The following PLEKHM3 variants were observed in gnomAD, a reference collection of about 807,000 sequenced individuals.
The protein encoded by PLEKHM3 is pleckstrin homology domain containing M3.
Under a neutral mutation model 81.8 loss-of-function variants are expected in PLEKHM3, and 45 were observed. The ratio of observed to expected loss-of-function variants is 0.55; its 90% CI spans 0.43 to 0.71. The LOEUF (loss-of-function observed/expected upper bound fraction) is 0.71. Among genes scored for constraint, PLEKHM3 ranks in the 30% least tolerant of loss-of-function variants. The pLI is 0.00. For synonymous variants in PLEKHM3, 352 were observed against 356.4 expected (o/e 0.99, Z 0.14); for missense variants, 788 against 924.3 (o/e 0.85, Z 1.91).
chr2:207,888,572 T>C (rs928232075), intron 6 of PLEKHM3, among the ~76,000 whole-genome samples: 5 of 152,114 alleles, frequency 3.3e-5, no homozygotes, highest in African/African-American at 1.2e-4. Flanking sequence ...ATTTTTGTAT[T>C]TTTAGTAGAG....
chr2:207,952,404 A>T (rs1690357920), intron 3 of PLEKHM3, among the ~76,000 whole-genome samples: 1 of 152,216 alleles, frequency 6.6e-6, no homozygotes, highest in South Asian at 2.1e-4. Context: ...TCTTCAGACC[A>T]GATTTCCCAA....
chr2:207,985,803 A>G (rs1691696343), intron 2 of PLEKHM3, among the ~76,000 whole-genome samples: 1 of 151,966 alleles, frequency 6.6e-6, no homozygotes, highest in African/African-American at 2.4e-5. Flanking sequence ...TGGCTAACAC[A>G]GTGAAACCCC....
At chr2:207,881,979 T>C (rs988687447) in intron 6 of PLEKHM3, among the ~76,000 whole-genome samples, 9 of 152,142 alleles carry the variant, frequency 5.9e-5, no homozygotes, top group African/African-American at 2.2e-4. Flanking sequence ...AAGGTCCTGG[T>C]TTAACAAAAC....
At chr2:207,963,139 A>T (rs1023072426) in intron 3 of PLEKHM3, among the ~76,000 whole-genome samples, 2 of 152,066 alleles carry the variant, frequency 1.3e-5, no homozygotes, top group African/African-American at 4.8e-5. Flanking sequence ...GCCGGGATGG[A>T]GAGGGTGTTT....
chr2:208,019,704 T>C (rs572518922), intron 1 of PLEKHM3: 4 of 152,382 alleles, frequency 2.6e-5, no homozygotes, highest in South Asian at 2.1e-4. Flanking sequence ...ATCTCTGTGT[T>C]GTTCCAGTTT....
intron 6 of PLEKHM3, among the ~76,000 whole-genome samples, chr2:207,862,743 G>C (rs563237212): frequency 6.6e-6 from 1 of 152,276 alleles, no homozygotes; most frequent in Non-Finnish European, 1.5e-5. Context: ...GTAGTGACTG[G>C]TAATACAAAA....
At chr2:207,830,641 G>T (rs1290035659) in intron 7 of PLEKHM3, among the ~76,000 whole-genome samples, 1 of 110,794 alleles carries the variant, frequency 9.0e-6, no homozygotes, top group African/African-American at 3.5e-5. Flanking sequence ...GAGGTCATGA[G>T]GGTGAGACCC....
chr2:207,961,472 T>A (rs1690730752), intron 3 of PLEKHM3, among the ~76,000 whole-genome samples: 1 of 152,382 alleles, frequency 6.6e-6, no homozygotes, highest in East Asian at 1.9e-4. Context: ...CCCATATGTC[T>A]TAGGTTTTAG....
In PLEKHM3 at chr2:207,966,793, T is replaced by A. The variant is rs1264590995; in HGVS notation, c.1546+9858A>T. On this transcript the variant is annotated intron_variant, in intron 3 of 7. Transcript: ENST00000427836. ...TGGTCTCGATCTCCTGACCTCGTGATCCACCCACCTCGGCCTCCCAAAGTG... is the reference window on the plus strand; with the variant it reads ...TGGTCTCGATCTCCTGACCTCGTGAACCACCCACCTCGGCCTCCCAAAGTG... Among the ~76,000 whole-genome samples, 3 of 152,060 alleles carry A rather than the reference T, an allele frequency of 2.0e-5. No individual in the cohort carries two copies. The East Asian group carries it at 5.8e-4, about 29-fold the overall frequency.
At chr2:207,992,520 CA>C (rs1236814515) in intron 2 of PLEKHM3, among the ~76,000 whole-genome samples, 2 of 152,048 alleles carry the variant, frequency 1.3e-5, no homozygotes, top group Non-Finnish European at 2.9e-5. Context: ...GAATAAAAAA[CA>C]AAACATCACT....
intron 7 of PLEKHM3, chr2:207,852,660 C>A: frequency 5.8e-6 from 2 of 344,256 alleles, no homozygotes; most frequent in East Asian, 8.0e-5. Context: ...AGAGTTCCCT[C>A]ATACAGAGGG....
intron 3 of PLEKHM3, among the ~76,000 whole-genome samples, chr2:207,960,489 C>A (rs1433286296): frequency 1.3e-5 from 2 of 152,196 alleles, no homozygotes; most frequent in African/African-American, 4.8e-5. Flanking sequence ...TTTAGGGGTC[C>A]ACTCTATAAT....
chr2:207,898,237 C>A (rs1201987439), intron 6 of PLEKHM3, among the ~76,000 whole-genome samples: 2 of 152,172 alleles, frequency 1.3e-5, no homozygotes, highest in Non-Finnish European at 2.9e-5. Context: ...AGAAATTTCA[C>A]ATAAAAATAC....
At chr2:207,851,935 C>T (rs4487071) in intron 7 of PLEKHM3, among the ~76,000 whole-genome samples, 98,684 of 151,632 alleles carry the variant, frequency 0.65, 32,767 homozygotes, top group African/African-American at 0.75. Flanking sequence ...AAGGGATGCA[C>T]AGGAGGTGGA....
intron 5 of PLEKHM3, among the ~76,000 whole-genome samples, chr2:207,914,171 A>G (rs1450405461): frequency 3.9e-5 from 6 of 151,990 alleles, no homozygotes; most frequent in Non-Finnish European, 4.4e-5. Context: ...TGGGCAACAT[A>G]GCAAGACCCT....
At chr2:207,862,508 G>T (rs1269405281) in intron 6 of PLEKHM3, among the ~76,000 whole-genome samples, 3 of 151,998 alleles carry the variant, frequency 2.0e-5, no homozygotes, top group Non-Finnish European at 4.4e-5. Flanking sequence ...CGTGGTGGCA[G>T]GTGCCTGTAA....
chr2:207,995,203 C>A (rs568923569), intron 2 of PLEKHM3, among the ~76,000 whole-genome samples: 1 of 152,208 alleles, frequency 6.6e-6, no homozygotes, highest in East Asian at 1.9e-4. Context: ...GGCTCTGTGT[C>A]CGAGTATTTC....
chr2:207,849,737 G>C (rs1349697740), intron 7 of PLEKHM3, among the ~76,000 whole-genome samples: 3 of 152,162 alleles, frequency 2.0e-5, no homozygotes, highest in Non-Finnish European at 4.4e-5. Context: ...CCTCAGACTT[G>C]TGTTATGCTC....
chr2:207,878,820 GT>G (rs900273862), intron 6 of PLEKHM3, among the ~76,000 whole-genome samples: 1 of 151,700 alleles, frequency 6.6e-6, no homozygotes, highest in Non-Finnish European at 1.5e-5. Flanking sequence ...CTAGAGCTGG[GT>G]TTTTTTTATT....
Sources: allele counts gnomAD v4.1 joint callset (sites outside exome capture counted in the v4.1 genomes callset), GRCh38; gene constraint gnomAD v4.1.1; transcripts MANE v1.5; gene names NCBI Gene and HGNC (gene_info 2026-07-23, HGNC 2026-07-21).